PVR: variants seen among roughly 807,000 people sequenced by gnomAD.
PVR encodes PVR cell adhesion molecule.
Under a neutral mutation model 43.3 loss-of-function variants are expected in PVR, and 39 were observed. The observed-to-expected ratio is 0.90, with a 90% CI of 0.70 to 1.18. The LOEUF (loss-of-function observed/expected upper bound fraction) is 1.18. Ranked by LOEUF, PVR falls within the 50% of genes most tolerant of loss-of-function variation. The pLI is 0.00. For synonymous variants in PVR, 224 were observed against 233.2 expected (o/e 0.96, Z 0.36); for missense variants, 480 against 549.7 (o/e 0.87, Z 1.27).
At chr19:44,644,958 T>C (rs1973037233) in intron 1 of PVR, among the ~76,000 whole-genome samples, 1 of 130,162 alleles carries the variant, frequency 7.7e-6, no homozygotes, top group Non-Finnish European at 1.6e-5. Flanking sequence ...TAAATATATA[T>C]ATTATATATT....
rs1485096579 is a variant in PVR at position 44,644,184 on chromosome 19, C to A, written c.79+9C>A. Reference sequence around the variant, plus strand: ...GCCACCCCCAGGAACCGGTGAGTGACCCCCGCGCAGTCCGGTGGCCCCTGT... The same window carrying A: ...GCCACCCCCAGGAACCGGTGAGTGAACCCCGCGCAGTCCGGTGGCCCCTGT... On this transcript the variant is annotated intron_variant, in intron 1 of 7. Transcript: ENST00000425690. 6.0e-6 allele frequency: 9 copies of A among 1,492,736 alleles called. No individual in the cohort carries two copies. In the African/African-American group the frequency reaches 1.2e-4, roughly 19 times the overall value. 92.5% of individuals were successfully genotyped at this position (1,492,736 alleles called of 1,614,324 possible).
intron 3 of PVR, among the ~76,000 whole-genome samples, chr19:44,650,667 G>T (rs1292441113): frequency 6.6e-6 from 1 of 150,748 alleles, no homozygotes; most frequent in Non-Finnish European, 1.5e-5. Flanking sequence ...AATTCAGGTG[G>T]TTCTCCTACC....
At chr19:44,653,520 T>A (rs1973340435) in intron 3 of PVR, among the ~76,000 whole-genome samples, 1 of 152,100 alleles carries the variant, frequency 6.6e-6, no homozygotes, top group South Asian at 2.1e-4. Context: ...TAGAGCAGGG[T>A]TATCTGGGAC....
intron 1 of PVR, among the ~76,000 whole-genome samples, chr19:44,645,136 A>ATGTATATTATATAT (rs1973057114): frequency 2.9e-5 from 2 of 69,370 alleles, no homozygotes; most frequent in Non-Finnish European, 5.0e-5. Context: ...ATAATATATT[A>ATGTATATTATATAT]TATATATTAT....
rs1973228718 is a variant in PVR at position 44,649,852 on chromosome 19, T to C, written c.471T>C (p.Thr157=). The C allele has an allele frequency of 2.5e-6, 4 of 1,614,104 alleles. No individual in the cohort carries two copies. The highest frequency in any genetic ancestry group is 3.4e-6 in the Non-Finnish European group (4 of 1,180,002). ...CTGAGGTTCAGAAGGTCCAGCTCACTGGAGAGCCAGTGCCCATGGCCCGCT... is the reference window on the plus strand; with the variant it reads ...CTGAGGTTCAGAAGGTCCAGCTCACCGGAGAGCCAGTGCCCATGGCCCGCT... ...NTAEVQKVQL[T]GEPVPMARCV... is the part of the protein sequence containing the mutation. The change falls in exon 3 of 8, where the codon ACT becomes ACC. Residue 157 remains threonine, a synonymous_variant. Coordinates refer to ENST00000425690, the MANE Select transcript of PVR (RefSeq NM_006505.5).
intron 1 of PVR, among the ~76,000 whole-genome samples, chr19:44,646,208 G>C (rs1042250655): frequency 6.6e-6 from 1 of 152,076 alleles, no homozygotes; most frequent in Admixed American, 6.6e-5. Flanking sequence ...GAATCAGAGA[G>C]GTTAAGTAAC....
At chr19:44,644,328 C>T (rs1026322496) in intron 1 of PVR, among the ~76,000 whole-genome samples, 153 bp downstream of exon 1, 3 of 152,120 alleles carry the variant, frequency 2.0e-5, no homozygotes, top group African/African-American at 4.8e-5. Context: ...GAACACGGTG[C>T]GAGGGTGCGA....
rs187320402 is a variant in PVR at position 44,661,968 on chromosome 19, G to C, written c.*157G>C. ...CGACGGGGGCAGGTGCAAGTTCATA[G>C]GTCTCCAAGACCACCCTCCTTTCAT... On this transcript the variant is annotated 3_prime_UTR_variant, in exon 8 of 8. Transcript: ENST00000425690. 178 of 645,406 alleles carry C rather than the reference G, an allele frequency of 2.8e-4. 1 individual carries two copies. In the African/African-American group the frequency reaches 2.9e-3, roughly 11 times the overall value. 40.0% of individuals were successfully genotyped at this position (645,406 alleles called of 1,614,324 possible). A position where few individuals can be genotyped will look rare whatever the true frequency, so the allele number is the denominator to read the frequency against.
At position 44,647,384 on chromosome 19, in the gene PVR, A is replaced by T. The variant is rs1418141924; in HGVS notation, c.241A>T (p.Thr81Ser). 1.2e-6 allele frequency: 2 copies of T among 1,613,816 alleles called. No homozygotes were observed. Among genetic ancestry groups the T allele is most frequent in the Non-Finnish European group, 1.7e-6 (2 of 1,179,964 alleles). ...ESGSMAVFHQTQGPSYSESKR... is the reference protein window; with the variant it reads ...ESGSMAVFHQSQGPSYSESKR... ...TGGCAGCATGGCCGTCTTCCACCAA[A>T]CGCAGGGCCCCAGCTATTCGGAGTC... is the stretch of plus-strand genomic sequence containing the variant. Residue 81 changes from threonine to serine, a missense_variant, in exon 2 of 8, where the codon ACG becomes TCG. Coordinates refer to ENST00000425690, the MANE Select transcript of PVR (RefSeq NM_006505.5).
In PVR at chr19:44,661,979, C is replaced by A; in HGVS notation, c.*168C>A. 1.6e-6 allele frequency: 1 copy of A among 611,910 alleles called. No homozygotes were observed. The highest frequency in any genetic ancestry group is 2.9e-6 in the Non-Finnish European group (1 of 345,616). The allele number at this position is 611,910 out of a possible 1,614,324, so 37.9% of individuals were successfully genotyped here. A position where few individuals can be genotyped will look rare whatever the true frequency, so the allele number is the denominator to read the frequency against. On this transcript the variant is annotated 3_prime_UTR_variant, in exon 8 of 8. Transcript: ENST00000425690. ...GGTGCAAGTTCATAGGTCTCCAAGACCACCCTCCTTTCATTTGCTAGAAGG... is the reference window on the plus strand; with the variant it reads ...GGTGCAAGTTCATAGGTCTCCAAGAACACCCTCCTTTCATTTGCTAGAAGG...
chr19:44,658,749 T>C lies in PVR; in HGVS notation c.999T>C (p.Pro333=). The change falls in exon 6 of 8, where the codon CCT becomes CCC. Residue 333 remains proline (P), a synonymous_variant. Transcript: ENST00000425690. ...TGTTTCCTTCTCTTTCAGAGGGACC[T>C]CCCAGTGAGCACTCAGGCATGTCCC... The part of the protein sequence containing the change: ...AELTVQVKEG[P]PSEHSGMSRN... 6.2e-7 allele frequency: 1 copy of C among 1,607,366 alleles called. No individual in the cohort carries two copies. Among genetic ancestry groups the C allele is most frequent in the Non-Finnish European group, 8.5e-7 (1 of 1,174,516 alleles).
In PVR at chr19:44,653,974, G is replaced by C. The variant is rs771706226; in HGVS notation, c.799G>C (p.Asp267His). The C allele has an allele frequency of 1.9e-6, 3 of 1,614,198 alleles. No individual in the cohort carries two copies. The highest frequency in any genetic ancestry group is 2.5e-6 in the Non-Finnish European group (3 of 1,180,012). Residue 267 changes from aspartate (D) to histidine (H), a missense_variant, in exon 4 of 8, where the codon GAT becomes CAT. By Grantham distance (81) the Asp-to-His change is moderately conservative (BLOSUM62 -1). Coordinates refer to ENST00000425690, the MANE Select transcript of PVR (RefSeq NM_006505.5). ...LGQNEATLTC[D>H]ARSNPEPTGY... is the part of the protein sequence containing the mutation. ...CCAGAATGAGGCCACCCTGACCTGC[G>C]ATGCTCGCAGCAACCCAGAGCCCAC...
chr19:44,650,607 G>T (rs1220924341), intron 3 of PVR, among the ~76,000 whole-genome samples: 1 of 145,286 alleles, frequency 6.9e-6, no homozygotes, highest in African/African-American at 2.6e-5. Flanking sequence ...CTGTTACCCA[G>T]GCTGCAGTAC....
rs149707537 is a variant in PVR at position 44,650,190 on chromosome 19, G to A, written c.724+85G>A. On this transcript the variant is annotated intron_variant, in intron 3 of 7. Transcript: ENST00000425690. ...TACACTGACTCCCCAAGGCACTGTA[G>A]GCATTGCTTCCATCATCTGCACCGG... 2,771 of 1,318,306 alleles carry A rather than the reference G, an allele frequency of 2.1e-3. 13 individuals carry two copies. The highest frequency in any genetic ancestry group is 5.6e-3 in the Middle Eastern group (23 of 4,078). 81.7% of individuals were successfully genotyped at this position (1,318,306 alleles called of 1,614,324 possible).
intron 6 of PVR, 121 bp from the exon 7 acceptor site, chr19:44,661,171 A>AC: frequency 1.1e-6 from 1 of 875,370 alleles, no homozygotes; most frequent in South Asian, 1.4e-5. Flanking sequence ...GGGAAATGGC[A>AC]CCCCCATGTA....
Position 44,662,187 on chromosome 19 carries a change from A to G in PVR, c.*376A>G. On this transcript the variant is annotated 3_prime_UTR_variant, in exon 8 of 8. Coordinates refer to ENST00000425690, the MANE Select transcript of PVR (RefSeq NM_006505.5). ...GGCAGCACCTGATTCTCACAGCAACATGTGACAACATGCAAGAAGTACTGC... is the reference window on the plus strand; with the variant it reads ...GGCAGCACCTGATTCTCACAGCAACGTGTGACAACATGCAAGAAGTACTGC... 1 of 231,774 alleles carries G rather than the reference A, an allele frequency of 4.3e-6. No individual in the cohort carries two copies. The highest frequency in any genetic ancestry group is 8.7e-6 in the Non-Finnish European group (1 of 114,850). The allele number at this position is 231,774 out of a possible 1,614,324, so 14.4% of individuals were successfully genotyped here.
chr19:44,666,125 C>T lies in PVR; in HGVS notation c.*4314C>T, dbSNP rs1224789744. On this transcript the variant is annotated 3_prime_UTR_variant, in exon 8 of 8. Coordinates refer to ENST00000425690, the MANE Select transcript of PVR (RefSeq NM_006505.5). ...TTATTCTAAGTACTGTCTACAAGTT[C>T]TGCAATAAACCTTGACTCTTCTTTT... 6.6e-6 allele frequency: 1 copy of T among 152,150 alleles called. No individual in the cohort carries two copies. Among genetic ancestry groups the T allele is most frequent in the Non-Finnish European group, 1.5e-5 (1 of 68,036 alleles). The allele number at this position is 152,150 out of a possible 1,614,324, so 9.4% of individuals were successfully genotyped here.
chr19:44,647,445 CG>C lies in PVR; in HGVS notation c.304del (p.Glu102SerfsTer7), dbSNP rs1568498523. 1 of 1,614,050 alleles carries C rather than the reference CG, an allele frequency of 6.2e-7. No homozygotes were observed. The highest frequency in any genetic ancestry group is 8.5e-7 in the Non-Finnish European group (1 of 1,180,000). ...GAATTCGTGGCAGCCAGACTGGGCG[CG>C]GAGCTGCGGAATGCCTCGCTGAGGA... Reference protein sequence around the residue: ...RLEFVAARLGAELRNASLRMF... With the variant: ...RLEFVAARLGXELRNASLRMF... On this transcript the variant is annotated frameshift_variant, in exon 2 of 8. Coordinates refer to ENST00000425690, the MANE Select transcript of PVR (RefSeq NM_006505.5). LOFTEE classifies it high-confidence loss of function.
chr19:44,658,806 C>G lies in PVR; in HGVS notation c.1056C>G (p.Ile352Met), dbSNP rs1973521835. 4 of 1,613,658 alleles carry G rather than the reference C, an allele frequency of 2.5e-6. No individual in the cohort carries two copies. The highest frequency in any genetic ancestry group is 2.7e-5 in the African/African-American group (2 of 74,918). Reference protein sequence around the residue: ...RNAIIFLVLGILVFLILLGIG... With the variant: ...RNAIIFLVLGMLVFLILLGIG... ...CCATCATCTTCCTGGTTCTGGGAAT[C>G]CTGGTTTTTCTGATCCTGCTGGGGA... Residue 352 changes from isoleucine (I) to methionine (M), a missense_variant, in exon 6 of 8, where the codon ATC (isoleucine) becomes ATG (methionine). Physicochemically the swap from Ile to Met is conservative, Grantham distance 10. Coordinates refer to ENST00000425690, the MANE Select transcript of PVR (RefSeq NM_006505.5).
Sources: gnomAD v4.1 joint callset for allele counts (sites outside exome capture counted in the v4.1 genomes callset) on GRCh38, gnomAD v4.1.1 for gene constraint, MANE v1.5 for transcripts, NCBI Gene and HGNC (gene_info 2026-07-23, HGNC 2026-07-21) for gene names.